The following EYA1 variants were observed in gnomAD, a reference collection of about 807,000 sequenced individuals.
EYA1 encodes the protein protein phosphatase EYA1.
Under a neutral mutation model 82.0 loss-of-function variants are expected in EYA1, and 16 were observed. That is an observed-to-expected ratio of 0.20 (90% confidence interval 0.13 to 0.30). The LOEUF is 0.30. EYA1 is among the 10% of genes least tolerant of loss of function. EYA1 has a pLI of 1.00. For missense variants in EYA1, 633 were observed against 730.7 expected, an observed-to-expected ratio of 0.87 and a Z score of 1.54; for synonymous variants, 261 against 264.4, an observed-to-expected ratio of 0.99 and a Z score of 0.12.
chr8:71,288,281 T>C (rs557292546), intron 9 of EYA1, among the ~76,000 whole-genome samples: 1 of 152,336 alleles, frequency 6.6e-6, no homozygotes, highest in African/African-American at 2.4e-5. Flanking sequence ...TGATAACTTG[T>C]ATCCCTAACT....
chr8:71,490,268 C>A (rs1401718209), intron 2 of EYA1, among the ~76,000 whole-genome samples: 1 of 152,096 alleles, frequency 6.6e-6, no homozygotes, highest in Non-Finnish European at 1.5e-5. Context: ...GCCATTTTTG[C>A]CCACTGACCA....
At chr8:71,250,341 T>C (rs1477089788) in intron 11 of EYA1, among the ~76,000 whole-genome samples, 1 of 152,122 alleles carries the variant, frequency 6.6e-6, no homozygotes, top group Non-Finnish European at 1.5e-5. Flanking sequence ...TGAACCGTGG[T>C]CTCAGATGGA....
intron 9 of EYA1, among the ~76,000 whole-genome samples, chr8:71,283,256 A>G (rs925698355): frequency 6.6e-6 from 1 of 151,992 alleles, no homozygotes; most frequent in Admixed American, 6.6e-5. Flanking sequence ...CTTTCCCCAG[A>G]TATTAAGGTG....
intron 2 of EYA1, among the ~76,000 whole-genome samples, chr8:71,448,255 G>A (rs34049985): frequency 0.33 from 50,683 of 151,742 alleles, 9,115 homozygotes; most frequent in East Asian, 0.47. Flanking sequence ...TTCTCAACTA[G>A]GCTGATGTAA....
intron 2 of EYA1, among the ~76,000 whole-genome samples, chr8:71,490,151 C>G (rs940187451): frequency 7.2e-5 from 11 of 152,230 alleles, no homozygotes; most frequent in African/African-American, 2.4e-4. Flanking sequence ...TTTTGCTTGG[C>G]ACTTCCTTTT....
rs1478549467 is a variant in EYA1 at position 71,448,029 on chromosome 8, C to T, written c.33+87715G>A. Among the ~76,000 whole-genome samples, 39 of 47,436 alleles carry T rather than the reference C, an allele frequency of 8.2e-4. No homozygotes were observed. In the East Asian group the frequency reaches 0.02, roughly 24 times the overall value. The allele number at this position is 47,436 out of a possible 152,430, so 31.1% of individuals were successfully genotyped here. A position where few individuals can be genotyped will look rare whatever the true frequency, so the allele number is the denominator to read the frequency against. On this transcript the variant is annotated intron_variant, in intron 2 of 18. Coordinates refer to the EYA1 transcript ENST00000643681. ...AAGAGCTTTTTTTTTTTTTTTTTCT[C>T]GCTCCGTTGCCCAGGCTGCAGTGCG...
rs1003548710 is a variant in EYA1 at position 71,197,503 on chromosome 8, G to A, written c.*1837C>T. 1 of 152,420 alleles carries A rather than the reference G, an allele frequency of 6.6e-6. No individual in the cohort carries two copies. Among genetic ancestry groups the A allele is most frequent in the Non-Finnish European group, 1.5e-5 (1 of 68,014 alleles). 9.4% of individuals were successfully genotyped at this position (152,420 alleles called of 1,614,324 possible). ...AATGAAGAAAAATTCTGTACACAACGGTGGACACAGCACACCTTTATACAG... is the reference window on the plus strand; with the variant it reads ...AATGAAGAAAAATTCTGTACACAACAGTGGACACAGCACACCTTTATACAG... On this transcript the variant is annotated 3_prime_UTR_variant, in exon 18 of 18. Transcript: ENST00000340726.
rs779306615 is a variant in EYA1 at position 71,411,509 on chromosome 8, A to G, written c.34-54998T>C. Among the ~76,000 whole-genome samples the G allele has an allele frequency of 8.6e-3, 1,173 of 135,768 alleles. 10 individuals are homozygous for G. Among genetic ancestry groups the G allele is most frequent in the Non-Finnish European group, 0.015 (949 of 63,248 alleles). The allele number at this position is 135,768 out of a possible 152,430, so 89.1% of individuals were successfully genotyped here. Reference sequence around the variant, plus strand: ...GACAAAGGGCTAATATCCAGAATCTACAATGAACTCAAACAAATTTGCAAG... The same window carrying G: ...GACAAAGGGCTAATATCCAGAATCTGCAATGAACTCAAACAAATTTGCAAG... On this transcript the variant is annotated intron_variant, in intron 2 of 18. Coordinates refer to the EYA1 transcript ENST00000643681.
In EYA1 at chr8:71,255,566, G is replaced by A. The variant is rs145806060; in HGVS notation, c.1051-10874C>T. 1.5e-4 allele frequency among the ~76,000 whole-genome samples: 23 copies of A among 152,102 alleles called. No homozygotes were observed. The East Asian group carries it at 1.5e-3, about 10-fold the overall frequency. ...ACATGCAAAAAATTCAAGGTAAATC[G>A]TTACCTTACACCATATGCAAAAATT... On this transcript the variant is annotated intron_variant, in intron 11 of 17. Coordinates refer to ENST00000340726, the MANE Select transcript of EYA1 (RefSeq NM_000503.6).
At chr8:71,254,322 T>C (rs896168661) in intron 11 of EYA1, among the ~76,000 whole-genome samples, 6 of 147,660 alleles carry the variant, frequency 4.1e-5, no homozygotes, top group Non-Finnish European at 7.4e-5. Context: ...TATCAGATTG[T>C]AGGAAATACA....
intron 2 of EYA1, among the ~76,000 whole-genome samples, chr8:71,393,604 G>T (rs1182830872): frequency 6.6e-6 from 1 of 152,100 alleles, no homozygotes; most frequent in Non-Finnish European, 1.5e-5. Context: ...CTTCATCCAT[G>T]TCCCTACAAA....
chr8:71,481,004 C>T (rs990151328), intron 2 of EYA1, among the ~76,000 whole-genome samples: 2 of 151,958 alleles, frequency 1.3e-5, no homozygotes, highest in African/African-American at 4.8e-5. Context: ...ATTCCAGTAG[C>T]TCTAATTCTA....
At chr8:71,346,456 C>CTATATATATATATA (rs1433880940) in intron 3 of EYA1, among the ~76,000 whole-genome samples, 1 of 101,820 alleles carries the variant, frequency 9.8e-6, no homozygotes, top group South Asian at 3.3e-4. Context: ...ATATATATAT[C>CTATATATATATATA]TATATATATC....
intron 2 of EYA1, among the ~76,000 whole-genome samples, chr8:71,534,675 T>G (rs1353700201): frequency 1.3e-5 from 2 of 152,114 alleles, no homozygotes; most frequent in Non-Finnish European, 2.9e-5. Context: ...CACTGCATGT[T>G]CTCACTCGTA....
intron 2 of EYA1, among the ~76,000 whole-genome samples, chr8:71,493,892 G>A (rs1249288072): frequency 3.4e-5 from 5 of 146,592 alleles, no homozygotes; most frequent in African/African-American, 7.4e-5. Context: ...GCGTAGTGGC[G>A]GGCGCCTGTA....
intron 2 of EYA1, among the ~76,000 whole-genome samples, chr8:71,477,002 T>C (rs929038918): frequency 1.6e-4 from 24 of 152,048 alleles, no homozygotes; most frequent in Admixed American, 9.8e-4. Context: ...ACAAATAGTT[T>C]TGGAACAATT....
intron 2 of EYA1, among the ~76,000 whole-genome samples, chr8:71,511,836 C>T (rs918473682): frequency 6.6e-6 from 1 of 152,112 alleles, no homozygotes; most frequent in Non-Finnish European, 1.5e-5. Flanking sequence ...TTCACACCAA[C>T]ACAAGGAGCA....
chr8:71,320,750 C>T (rs935934852), intron 6 of EYA1, among the ~76,000 whole-genome samples: 1 of 151,986 alleles, frequency 6.6e-6, no homozygotes, highest in African/African-American at 2.4e-5. Context: ...AAGTAATTTA[C>T]CTTCTAATTA....
At chr8:71,471,094 G>A (rs1358791057) in intron 2 of EYA1, among the ~76,000 whole-genome samples, 1 of 151,968 alleles carries the variant, frequency 6.6e-6, no homozygotes, top group Non-Finnish European at 1.5e-5. Context: ...TGGTGGTCCT[G>A]TTTCAAGCCC....
Sources: gnomAD v4.1 joint callset for allele counts (sites outside exome capture counted in the v4.1 genomes callset) on GRCh38, gnomAD v4.1.1 for gene constraint, MANE v1.5 for transcripts, NCBI Gene and HGNC (gene_info 2026-07-23, HGNC 2026-07-21) for gene names.